The following ARHGEF37 variants were observed in gnomAD, a reference collection of about 807,000 sequenced individuals.
The protein encoded by ARHGEF37 is Rho guanine nucleotide exchange factor (GEF) 37.
ARHGEF37 carries 55 observed loss-of-function variants against 71.1 expected under a neutral mutation model. The ratio of observed to expected loss-of-function variants is 0.77; its 90% CI spans 0.62 to 0.97. The LOEUF is 0.97. ARHGEF37 is among the 50% of genes least tolerant of loss of function. ARHGEF37 has a pLI of 0.00. For missense variants in ARHGEF37, 765 were observed against 836.8 expected (o/e 0.91, Z 1.06); for synonymous variants, 327 against 350.6 (o/e 0.93, Z 0.75).
rs1580945972 is a variant in ARHGEF37 at position 149,633,039 on chromosome 5, C to G, written c.*848C>G. On this transcript the variant is annotated 3_prime_UTR_variant, in exon 13 of 13. Transcript: ENST00000333677. ...GGTGGGGAGGTTAGGGAATGGCTTG[C>G]TTTCCTGTTTCTGGTTAGAAGGGGA... 1 of 152,880 alleles carries G rather than the reference C, an allele frequency of 6.5e-6. No homozygotes were observed. The highest frequency in any genetic ancestry group is 1.9e-4 in the East Asian group (1 of 5,176). The allele number at this position is 152,880 out of a possible 1,614,324, so 9.5% of individuals were successfully genotyped here. A position where few individuals can be genotyped will look rare whatever the true frequency, so the allele number is the denominator to read the frequency against.
chr5:149,563,353 T>C (rs1762860243), intron 1 of ARHGEF37, among the ~76,000 whole-genome samples: 1 of 152,242 alleles, frequency 6.6e-6, no homozygotes. Flanking sequence ...TCCTTGTGTG[T>C]GTTCTGTAGG....
chr5:149,575,242 T>C (rs1035436313), intron 1 of ARHGEF37, among the ~76,000 whole-genome samples: 26 of 152,220 alleles, frequency 1.7e-4, no homozygotes, highest in African/African-American at 5.8e-4. Flanking sequence ...CTGGTATAAC[T>C]TTTCATTTTC....
intron 1 of ARHGEF37, among the ~76,000 whole-genome samples, chr5:149,587,470 T>C (rs753440752): frequency 3.3e-5 from 5 of 152,198 alleles, no homozygotes; most frequent in Non-Finnish European, 5.9e-5. Context: ...GGAAATCTTA[T>C]AACAACCCTG....
intron 10 of ARHGEF37, among the ~76,000 whole-genome samples, chr5:149,625,017 G>GC (rs1360652766): frequency 6.7e-6 from 1 of 148,690 alleles, no homozygotes; most frequent in Non-Finnish European, 1.5e-5. Context: ...TTCTGCCTCA[G>GC]CCCCCCGAGT....
intron 3 of ARHGEF37, among the ~76,000 whole-genome samples, chr5:149,602,338 A>C (rs779525979): frequency 6.6e-6 from 1 of 152,266 alleles, no homozygotes; most frequent in Non-Finnish European, 1.5e-5. Flanking sequence ...TACAGGCGTG[A>C]GCCACTGTGC....
intron 1 of ARHGEF37, among the ~76,000 whole-genome samples, chr5:149,558,621 G>A (rs906621096): frequency 9.9e-5 from 15 of 151,944 alleles, no homozygotes; most frequent in Admixed American, 7.9e-4. Context: ...CTCCTAAAGT[G>A]CTGGGATTAC....
intron 1 of ARHGEF37, among the ~76,000 whole-genome samples, chr5:149,581,890 T>C (rs1425496688): frequency 6.6e-6 from 1 of 152,244 alleles, no homozygotes; most frequent in African/African-American, 2.4e-5. Flanking sequence ...AAAAACATTA[T>C]TATTCTTTGT....
In ARHGEF37 at chr5:149,633,632, T is replaced by G. The variant is rs534488452; in HGVS notation, c.*1441T>G. ...AGAAATGGGAAAATGTGACCAAGTG[T>G]GATCTTAACAACTGACAAAGTTTGT... On this transcript the variant is annotated 3_prime_UTR_variant, in exon 13 of 13. Transcript: ENST00000333677. 6.6e-6 allele frequency: 1 copy of G among 152,354 alleles called. No homozygotes were observed. Among genetic ancestry groups the G allele is most frequent in the East Asian group, 1.9e-4 (1 of 5,190 alleles). 9.4% of individuals were successfully genotyped at this position (152,354 alleles called of 1,614,324 possible). A position where few individuals can be genotyped will look rare whatever the true frequency, so the allele number is the denominator to read the frequency against.
At chr5:149,598,263 C>CTCTTCTTCTTCTTCTTCTTCT (rs70973531) in intron 2 of ARHGEF37, among the ~76,000 whole-genome samples, 35 of 67,756 alleles carry the variant, frequency 5.2e-4, no homozygotes, top group East Asian at 1.4e-3. Context: ...CTTAAACTGA[C>CTCTTCTTCTTCTTCTTCTTCT]TCTTCTTCTT....
intron 4 of ARHGEF37, among the ~76,000 whole-genome samples, chr5:149,611,091 G>C (rs1425210919): frequency 3.3e-5 from 5 of 152,178 alleles, no homozygotes; most frequent in Non-Finnish European, 5.9e-5. Context: ...CTTCCCGCCT[G>C]CTAGCTTATT....
intron 1 of ARHGEF37, among the ~76,000 whole-genome samples, chr5:149,574,352 T>G (rs911489936): frequency 3.3e-5 from 5 of 152,212 alleles, no homozygotes; most frequent in African/African-American, 4.8e-5. Flanking sequence ...AACTATAATT[T>G]TATCTGGTGG....
At position 149,620,300 on chromosome 5, in the gene ARHGEF37, G is replaced by A. The variant is rs144692177; in HGVS notation, c.895-54G>A. 804 of 1,324,608 alleles carry A rather than the reference G, an allele frequency of 6.1e-4. 6 individuals are homozygous for A. Among genetic ancestry groups the A allele is most frequent in the South Asian group, 3.7e-3 (277 of 75,190 alleles). The allele number at this position is 1,324,608 out of a possible 1,614,324, so 82.1% of individuals were successfully genotyped here. A position where few individuals can be genotyped will look rare whatever the true frequency, so the allele number is the denominator to read the frequency against. ...AGGTATGGTGGAAGGGGATTCCAGC[G>A]TAAGATGGCCATGACAGGCATGATT... is the stretch of plus-strand genomic sequence containing the variant. On this transcript the variant is annotated intron_variant, in intron 7 of 12. Transcript: ENST00000333677.
chr5:149,615,251 C>T (rs1198280163), intron 4 of ARHGEF37, among the ~76,000 whole-genome samples: 4 of 151,140 alleles, frequency 2.6e-5, no homozygotes, highest in African/African-American at 9.7e-5. Context: ...TACTCCTGGG[C>T]TTAAGCAATC....
chr5:149,588,654 A>G (rs1451891756), intron 1 of ARHGEF37, among the ~76,000 whole-genome samples: 3 of 152,118 alleles, frequency 2.0e-5, no homozygotes, highest in African/African-American at 7.2e-5. Flanking sequence ...CACCTTTGAC[A>G]GCTTTCTATG....
intron 3 of ARHGEF37, among the ~76,000 whole-genome samples, chr5:149,605,540 A>G (rs530440409): frequency 6.6e-5 from 10 of 152,278 alleles, no homozygotes; most frequent in Non-Finnish European, 1.2e-4. Flanking sequence ...GTATTTGAGC[A>G]TTGAAGGTCT....
intron 3 of ARHGEF37, among the ~76,000 whole-genome samples, chr5:149,604,485 C>G (rs910944073): frequency 3.9e-5 from 6 of 151,980 alleles, no homozygotes; most frequent in Admixed American, 6.6e-5. Flanking sequence ...CAGAAAATAT[C>G]CTCCTCATCC....
At chr5:149,616,910 G>A (rs891421006) in intron 5 of ARHGEF37, 144 bp downstream of exon 5, 1 of 830,094 alleles carries the variant, frequency 1.2e-6, no homozygotes, top group Admixed American at 2.9e-5. Flanking sequence ...TTTAGGTAGG[G>A]TTCGATCAGG....
intron 1 of ARHGEF37, among the ~76,000 whole-genome samples, chr5:149,572,978 C>T (rs1323650658): frequency 1.3e-5 from 2 of 152,208 alleles, no homozygotes; most frequent in South Asian, 2.1e-4. Context: ...AGTTCAAAGG[C>T]GTGGCCCTGG....
At chr5:149,556,538 C>G (rs1762760216) in intron 1 of ARHGEF37, among the ~76,000 whole-genome samples, 1 of 152,140 alleles carries the variant, frequency 6.6e-6, no homozygotes, top group South Asian at 2.1e-4. Context: ...CAGGCATGTG[C>G]CACCACACCC....
Sources: allele counts gnomAD v4.1 joint callset (sites outside exome capture counted in the v4.1 genomes callset), GRCh38; gene constraint gnomAD v4.1.1; transcripts MANE v1.5; gene names NCBI Gene and HGNC (gene_info 2026-07-23, HGNC 2026-07-21).